Variants in NEDD4 observed in about 807,000 individuals in gnomAD.
The protein encoded by NEDD4 is E3 ubiquitin-protein ligase NEDD4.
In NEDD4, 99 loss-of-function variants were observed where a neutral mutation model predicts 144.9. The observed-to-expected ratio is 0.68, with a 90% CI of 0.58 to 0.81. The LOEUF is 0.81. NEDD4 is among the 30% of genes least tolerant of loss of function. The pLI is 0.00. For synonymous variants in NEDD4, 318 were observed against 350.6 expected (o/e 0.91, Z 1.04); for missense variants, 985 against 1,065.9 (o/e 0.92, Z 1.06).
intron 8 of NEDD4, 56 bp downstream of exon 8, chr15:55,869,523 A>C (rs2034698016): frequency 5.1e-6 from 5 of 975,324 alleles, no homozygotes; most frequent in Non-Finnish European, 7.8e-6. Flanking sequence ...TTCAGAGTAC[A>C]GTAAAATAAG....
At chr15:55,879,957 T>A (rs1488580060) in intron 5 of NEDD4, among the ~76,000 whole-genome samples, 2 of 152,122 alleles carry the variant, frequency 1.3e-5, no homozygotes, top group African/African-American at 4.8e-5. Flanking sequence ...AAAAGCATTT[T>A]AAGTAACTTT....
At chr15:55,956,330 A>T (rs536326581) in intron 2 of NEDD4, among the ~76,000 whole-genome samples, 1 of 152,200 alleles carries the variant, frequency 6.6e-6, no homozygotes, top group African/African-American at 2.4e-5. Context: ...TCCTTTCAAC[A>T]TTTTTCTTTT....
In NEDD4 at chr15:55,951,400, C is replaced by T; in HGVS notation, c.213G>A (p.Lys71=). Residue 71 remains lysine, a synonymous_variant, in exon 4 of 29, where the codon AAG becomes AAA. Coordinates refer to ENST00000435532, the MANE Select transcript of NEDD4 (RefSeq NM_006154.4). ...TKTIKKSLNP[K]WNEEILFRVH... is the part of the protein sequence containing the mutation. ...CTCTGAATAATATTTCTTCATTCCA[C>T]TTTGGATTCAAACTCTAAAAAATAA... 1 of 1,023,996 alleles carries T rather than the reference C, an allele frequency of 9.8e-7. No homozygotes were observed. Among genetic ancestry groups the T allele is most frequent in the South Asian group, 1.6e-5 (1 of 61,834 alleles). 63.4% of individuals were successfully genotyped at this position (1,023,996 alleles called of 1,614,324 possible). A position where few individuals can be genotyped will look rare whatever the true frequency, so the allele number is the denominator to read the frequency against.
chr15:55,969,426 A>T (rs2037571279), intron 1 of NEDD4, among the ~76,000 whole-genome samples: 2 of 152,178 alleles, frequency 1.3e-5, no homozygotes, highest in Non-Finnish European at 2.9e-5. Flanking sequence ...TAGATTTGGG[A>T]TGCACATGAA....
chr15:55,909,935 G>A lies in NEDD4; in HGVS notation c.291+14711C>T, dbSNP rs192860268. Among the ~76,000 whole-genome samples, 188 of 152,236 alleles carry A rather than the reference G, an allele frequency of 1.2e-3. 1 individual carries two copies. The highest frequency in any genetic ancestry group is 2.0e-3 in the Non-Finnish European group (135 of 68,014). ...TTAGACTAATGCTGTCCAAAATGAG[G>A]TGTGAATATTCATAAGCGATTTCAA... On this transcript the variant is annotated intron_variant, in intron 5 of 28. Coordinates refer to ENST00000435532, the MANE Select transcript of NEDD4 (RefSeq NM_006154.4).
Position 55,828,722 on chromosome 15 carries a change from T to C in NEDD4, c.*1175A>G, listed in dbSNP as rs1331348553. On this transcript the variant is annotated 3_prime_UTR_variant, in exon 29 of 29. Transcript: ENST00000435532. Reference sequence around the variant, plus strand: ...TTTGGTTAAAGGAAGATATGAACTGTAGCATTTTGCCTACAGAATTCTGGA... The same window carrying C: ...TTTGGTTAAAGGAAGATATGAACTGCAGCATTTTGCCTACAGAATTCTGGA... The C allele has an allele frequency of 6.5e-6, 1 of 152,688 alleles. No individual in the cohort carries two copies. The highest frequency in any genetic ancestry group is 2.4e-5 in the African/African-American group (1 of 41,456). The allele number at this position is 152,688 out of a possible 1,614,324, so 9.5% of individuals were successfully genotyped here. A position where few individuals can be genotyped will look rare whatever the true frequency, so the allele number is the denominator to read the frequency against.
intron 5 of NEDD4, among the ~76,000 whole-genome samples, chr15:55,876,672 G>A (rs941600609): frequency 1.3e-5 from 2 of 151,752 alleles, no homozygotes; most frequent in Non-Finnish European, 2.9e-5. Flanking sequence ...ACAGATGAGA[G>A]GAACAGAAAT....
chr15:55,879,536 G>T (rs899210258), intron 5 of NEDD4, among the ~76,000 whole-genome samples: 6 of 152,182 alleles, frequency 3.9e-5, no homozygotes, highest in African/African-American at 1.4e-4. Context: ...ATTATGGGCA[G>T]TTATGGACTA....
At chr15:55,872,713 A>C (rs1269483053) in intron 6 of NEDD4, among the ~76,000 whole-genome samples, 2 of 152,172 alleles carry the variant, frequency 1.3e-5, no homozygotes, top group African/African-American at 4.8e-5. Flanking sequence ...GTGGAGCCAA[A>C]GGGAGGGCAG....
intron 2 of NEDD4, among the ~76,000 whole-genome samples, chr15:55,957,106 G>C (rs1212057330): frequency 1.3e-5 from 2 of 152,176 alleles, no homozygotes; most frequent in Non-Finnish European, 2.9e-5. Context: ...ATAGGATACA[G>C]AAATATAACT....
At chr15:55,977,991 C>T (rs1191569479) in intron 1 of NEDD4, among the ~76,000 whole-genome samples, 4 of 152,066 alleles carry the variant, frequency 2.6e-5, no homozygotes, top group Admixed American at 6.5e-5. Flanking sequence ...GTGACAACAG[C>T]AAATAATGTT....
At chr15:55,971,703 A>C (rs1184929435) in intron 1 of NEDD4, among the ~76,000 whole-genome samples, 1 of 152,136 alleles carries the variant, frequency 6.6e-6, no homozygotes, top group Non-Finnish European at 1.5e-5. Context: ...TCAGAGAAAT[A>C]ATAACAAAGA....
At chr15:55,914,262 T>C (rs1419931883) in intron 5 of NEDD4, among the ~76,000 whole-genome samples, 13 of 151,446 alleles carry the variant, frequency 8.6e-5, no homozygotes, top group African/African-American at 2.9e-4. Flanking sequence ...CAGATTAAGG[T>C]TTTTTCCCCC....
In NEDD4 at chr15:55,947,485, T is replaced by A. The variant is rs936396425; in HGVS notation, c.237+3891A>T. 7.2e-5 allele frequency among the ~76,000 whole-genome samples: 11 copies of A among 152,180 alleles called. 1 individual carries two copies. Among genetic ancestry groups the A allele is most frequent in the Admixed American group, 6.5e-4 (10 of 15,272 alleles). ...ACCAGGAAGAAGTTGAATCTCTGAA[T>A]AGACCAATAACAGGCTCTGAAATTG... On this transcript the variant is annotated intron_variant, in intron 4 of 28. Transcript: ENST00000435532.
chr15:55,832,180 TG>T (rs1416913507), intron 27 of NEDD4, among the ~76,000 whole-genome samples: 4 of 104,262 alleles, frequency 3.8e-5, no homozygotes, highest in Non-Finnish European at 7.9e-5. Flanking sequence ...ACCCCTATCT[TG>T]AAAAAAAAAA....
Position 55,848,568 on chromosome 15 carries a change from C to T in NEDD4, c.1436G>A (p.Trp479Ter). The change falls in exon 16 of 29, where the codon TGG becomes TAG. Residue 479 changes from tryptophan to a stop codon, truncating the protein, a stop_gained. Transcript: ENST00000435532. LOFTEE classifies it high-confidence loss of function. ...SNDLGPLPPG[W>*]EERTHTDGRI... ...TCCATCTGTGTGAGTTCTCTCTTCC[C>T]ATCCTGGCTATAATTAAAAATGTAT... 6.2e-7 allele frequency: 1 copy of T among 1,612,764 alleles called. No homozygotes were observed. The highest frequency in any genetic ancestry group is 8.5e-7 in the Non-Finnish European group (1 of 1,179,118).
chr15:55,968,779 T>A (rs1053807886), intron 1 of NEDD4, among the ~76,000 whole-genome samples: 3 of 152,220 alleles, frequency 2.0e-5, no homozygotes, highest in African/African-American at 7.2e-5. Flanking sequence ...GATGTTTCCC[T>A]AGATAAATGT....
chr15:55,986,860 G>A (rs1167737784), intron 1 of NEDD4, among the ~76,000 whole-genome samples: 1 of 151,988 alleles, frequency 6.6e-6, no homozygotes, highest in Non-Finnish European at 1.5e-5. Flanking sequence ...CTCCCAAAGT[G>A]CTGGGATTAC....
At chr15:55,980,939 T>C (rs988135147) in intron 1 of NEDD4, among the ~76,000 whole-genome samples, 1 of 151,838 alleles carries the variant, frequency 6.6e-6, no homozygotes, top group Admixed American at 6.6e-5. Context: ...AAACATAATA[T>C]AGTGATTCAG....
Sources: allele counts gnomAD v4.1 joint callset (sites outside exome capture counted in the v4.1 genomes callset), GRCh38; gene constraint gnomAD v4.1.1; transcripts MANE v1.5; gene names NCBI Gene and HGNC (gene_info 2026-07-23, HGNC 2026-07-21).